Variants in SNRNP40 observed in about 807,000 individuals in gnomAD.
SNRNP40 encodes the protein U5 small nuclear ribonucleoprotein 40 kDa protein.
SNRNP40 carries 21 observed loss-of-function variants against 45.8 expected under a neutral mutation model. That is an observed-to-expected ratio of 0.46 (90% CI 0.32 to 0.66). SNRNP40 has a LOEUF of 0.66. Among genes scored for constraint, SNRNP40 ranks in the 30% least tolerant of loss-of-function variants. SNRNP40 has a pLI of 0.03. For synonymous variants in SNRNP40, 142 were observed against 163.8 expected (o/e 0.87, Z 1.01); for missense variants, 344 against 439.1 (o/e 0.78, Z 1.94).
intron 6 of SNRNP40, 70 bp from the exon 7 acceptor site, chr1:31,269,310 C>G (rs1557674336): frequency 1.3e-6 from 2 of 1,594,894 alleles, no homozygotes. Flanking sequence ...GGGCACCCAG[C>G]TGAAATTAGT....
intron 4 of SNRNP40, among the ~76,000 whole-genome samples, chr1:31,287,560 G>C (rs1450621378): frequency 6.6e-6 from 1 of 152,152 alleles, no homozygotes; most frequent in Non-Finnish European, 1.5e-5. Context: ...ATGACAATTA[G>C]TAAATCAGCT....
At chr1:31,267,968 C>A (rs772271372) in intron 7 of SNRNP40, 36 bp from the exon 8 acceptor site, 12 of 1,451,420 alleles carry the variant, frequency 8.3e-6, no homozygotes, top group African/African-American at 1.4e-5. Context: ...TAGTAATATA[C>A]CAAACTCCTC....
In SNRNP40 at chr1:31,271,503, C is replaced by A. The variant is rs746894348; in HGVS notation, c.655-4G>T. On this transcript the variant is annotated splice_polypyrimidine_tract_variant and splice_region_variant and intron_variant, in intron 5 of 9. Transcript: ENST00000263694. ...TGTTCTGGCGCAGGTCCCAGACCTGCAAAAACAGAAAGGTGCCCCCAGAAA... is the reference window on the plus strand; with the variant it reads ...TGTTCTGGCGCAGGTCCCAGACCTGAAAAAACAGAAAGGTGCCCCCAGAAA... 7.5e-6 allele frequency: 12 copies of A among 1,595,022 alleles called. No individual in the cohort carries two copies. The highest frequency in any genetic ancestry group is 6.9e-5 in the South Asian group (6 of 87,224).
At chr1:31,279,092 T>A (rs1645998062) in intron 5 of SNRNP40, among the ~76,000 whole-genome samples, 1 of 150,144 alleles carries the variant, frequency 6.7e-6, no homozygotes, top group South Asian at 2.1e-4. Context: ...ATGAATGGTA[T>A]GTGAGGAACT....
At chr1:31,261,779 A>T in intron 8 of SNRNP40, 147 bp from the exon 9 acceptor site, 1 of 578,244 alleles carries the variant, frequency 1.7e-6, no homozygotes. Flanking sequence ...AACTAGGAAC[A>T]CAGAGTTTGA....
intron 6 of SNRNP40, among the ~76,000 whole-genome samples, chr1:31,270,119 T>C (rs1569640839): frequency 6.6e-6 from 1 of 152,182 alleles, no homozygotes; most frequent in South Asian, 2.1e-4. Context: ...GCCAGGCTGG[T>C]CTCAAACTCC....
chr1:31,287,320 T>C (rs982634916), intron 4 of SNRNP40, among the ~76,000 whole-genome samples: 3 of 152,126 alleles, frequency 2.0e-5, no homozygotes, highest in African/African-American at 7.2e-5. Context: ...TGATGTGACA[T>C]ACTGCTTATT....
rs1344176548 is a variant in SNRNP40 at position 31,271,662 on chromosome 1, T to TC, written c.655-164_655-163insG. ...AAACACCTTTTTTTAATTTTCATTTTTTTTTTGAGACAGCGTCTCACTCTG... is the reference window on the plus strand; with the variant it reads ...AAACACCTTTTTTTAATTTTCATTTTCTTTTTTGAGACAGCGTCTCACTCTG... On this transcript the variant is annotated intron_variant, in intron 5 of 9. Coordinates refer to ENST00000263694, the MANE Select transcript of SNRNP40 (RefSeq NM_004814.3). Among the ~76,000 whole-genome samples, 11 of 151,750 alleles carry TC rather than the reference T, an allele frequency of 7.2e-5. 1 individual carries two copies. Among genetic ancestry groups the TC allele is most frequent in the Admixed American group, 3.9e-4 (6 of 15,228 alleles).
At chr1:31,278,990 G>C (rs1195283687) in intron 5 of SNRNP40, among the ~76,000 whole-genome samples, 1 of 151,848 alleles carries the variant, frequency 6.6e-6, no homozygotes, top group Non-Finnish European at 1.5e-5. Flanking sequence ...AGGGAAGAGA[G>C]AAGACCAGGT....
At chr1:31,271,525 G>A in intron 5 of SNRNP40, 26 bp from the exon 6 acceptor site, 2 of 1,589,852 alleles carry the variant, frequency 1.3e-6, no homozygotes, top group Middle Eastern at 1.7e-4. Context: ...GGTGCCCCCA[G>A]AAATCAAATT....
intron 4 of SNRNP40, among the ~76,000 whole-genome samples, chr1:31,283,997 G>C (rs1024461049): frequency 6.6e-6 from 1 of 152,200 alleles, no homozygotes; most frequent in Non-Finnish European, 1.5e-5. Context: ...GCCGAGGCCA[G>C]GAGGATGGCT....
At chr1:31,286,292 CTG>C (rs1340038399) in intron 4 of SNRNP40, among the ~76,000 whole-genome samples, 1 of 152,184 alleles carries the variant, frequency 6.6e-6, no homozygotes, top group Non-Finnish European at 1.5e-5. Flanking sequence ...ACTGGTAACT[CTG>C]TTCTTGGACA....
At position 31,296,656 on chromosome 1, in the gene SNRNP40, T is replaced by TGGGCCAGACCCCGCTCCC. The variant is rs1553167794; in HGVS notation, c.78_95dup (p.Ser30_Gly35dup). 6.2e-7 allele frequency: 1 copy of TGGGCCAGACCCCGCTCCC among 1,613,676 alleles called. No individual in the cohort carries two copies. Among genetic ancestry groups the TGGGCCAGACCCCGCTCCC allele is most frequent in the Non-Finnish European group, 8.5e-7 (1 of 1,179,856 alleles). ...GCGTCGCCTGCTGCTGCCCGGCTCC[T>TGGGCCAGACCCCGCTCCC]GGGCCAGACCCCGCTCCCAACAGCA... On this transcript the variant is annotated inframe_insertion, in exon 1 of 10. Transcript: ENST00000263694.
At chr1:31,278,125 C>T (rs1428939911) in intron 5 of SNRNP40, among the ~76,000 whole-genome samples, 2 of 152,174 alleles carry the variant, frequency 1.3e-5, no homozygotes, top group East Asian at 1.9e-4. Flanking sequence ...CTCTTCTTTG[C>T]CCTATGATTT....
At chr1:31,290,687 C>T (rs946332685) in intron 3 of SNRNP40, among the ~76,000 whole-genome samples, 4 of 151,782 alleles carry the variant, frequency 2.6e-5, no homozygotes, top group African/African-American at 9.7e-5. Flanking sequence ...ACCATCCTGG[C>T]TAACACGGTG....
At chr1:31,283,156 C>CA (rs1257470039) in intron 4 of SNRNP40, among the ~76,000 whole-genome samples, 8 of 152,204 alleles carry the variant, frequency 5.3e-5, no homozygotes, top group Non-Finnish European at 1.2e-4. Flanking sequence ...TACAAAAAGA[C>CA]AATCTGCAAA....
At chr1:31,267,400 G>A (rs1645904731) in intron 8 of SNRNP40, among the ~76,000 whole-genome samples, 1 of 152,166 alleles carries the variant, frequency 6.6e-6, no homozygotes, top group South Asian at 2.1e-4. Context: ...TGATCTGTTT[G>A]TCGAACACGG....
chr1:31,260,249 A>G lies in SNRNP40; in HGVS notation c.1025-128T>C, dbSNP rs1015920439. The G allele has an allele frequency of 4.9e-5, 29 of 588,284 alleles. No individual in the cohort carries two copies. The Admixed American group carries it at 9.4e-4, about 19-fold the overall frequency. 36.4% of individuals were successfully genotyped at this position (588,284 alleles called of 1,614,324 possible). A position where few individuals can be genotyped will look rare whatever the true frequency, so the allele number is the denominator to read the frequency against. ...TGGACTTAGCTTAAATTCCCCTCCTAAACACCATCCACAGGAAATTGTAGC... is the reference window on the plus strand; with the variant it reads ...TGGACTTAGCTTAAATTCCCCTCCTGAACACCATCCACAGGAAATTGTAGC... On this transcript the variant is annotated intron_variant, in intron 9 of 9. Coordinates refer to ENST00000263694, the MANE Select transcript of SNRNP40 (RefSeq NM_004814.3).
chr1:31,279,322 C>T (rs1025104814), intron 5 of SNRNP40, among the ~76,000 whole-genome samples: 15 of 152,248 alleles, frequency 9.9e-5, no homozygotes, highest in African/African-American at 3.4e-4. Flanking sequence ...CTTTAAGATC[C>T]GTGAGGAGGT....
Sources: gnomAD v4.1 joint callset for allele counts (sites outside exome capture counted in the v4.1 genomes callset) on GRCh38, gnomAD v4.1.1 for gene constraint, MANE v1.5 for transcripts, NCBI Gene and HGNC (gene_info 2026-07-23, HGNC 2026-07-21) for gene names.